The following RIPOR2 variants were observed in gnomAD, a reference collection of about 807,000 sequenced individuals.
RIPOR2 encodes the protein rho family-interacting cell polarization regulator 2.
A neutral mutation model predicts 114.5 loss-of-function variants in RIPOR2; 39 were observed. That is an observed-to-expected ratio of 0.34 (90% CI 0.26 to 0.44). The LOEUF (loss-of-function observed/expected upper bound fraction) is 0.44. Ranked by LOEUF, RIPOR2 falls within the 20% of genes least tolerant of loss-of-function variation. RIPOR2 has a pLI of 1.00. For synonymous variants in RIPOR2, 445 were observed against 484.4 expected (o/e 0.92, Z 1.07); for missense variants, 1,007 against 1,255.1 (o/e 0.80, Z 2.99).
intron 8 of RIPOR2, 81 bp from the exon 9 acceptor site, chr6:24,852,699 T>C: frequency 2.8e-6 from 3 of 1,063,636 alleles, no homozygotes; most frequent in Non-Finnish European, 4.0e-6. Context: ...TAAAAAGAAT[T>C]CAAGTGAAGT....
intron 13 of RIPOR2, chr6:24,839,637 CAA>C: frequency 6.5e-7 from 1 of 1,533,190 alleles, no homozygotes; most frequent in South Asian, 1.2e-5. Flanking sequence ...TGAAAAAAAA[CAA>C]AAAAAACAAA....
intron 1 of RIPOR2, among the ~76,000 whole-genome samples, chr6:25,035,962 A>T (rs182235789): frequency 2.8e-4 from 42 of 152,316 alleles, no homozygotes; most frequent in East Asian, 1.3e-3. Context: ...GCAGTGAGGA[A>T]TAGCCAGCTG....
At chr6:24,938,186 A>G (rs1349213103), upstream of RIPOR2, among the ~76,000 whole-genome samples, 1 of 152,214 alleles carries the variant, frequency 6.6e-6, no homozygotes, top group African/African-American at 2.4e-5. Context: ...ATCCAATATG[A>G]CTAACTTCCT....
Position 25,015,888 on chromosome 6 carries a change from GT to G in RIPOR2, c.76+25962del, listed in dbSNP as rs1258122631. 3.5e-4 allele frequency: 26 copies of G among 74,044 alleles called. 3 individuals are homozygous for G. The highest frequency in any genetic ancestry group is 5.6e-5 in the African/African-American group (1 of 17,982). 4.6% of individuals were successfully genotyped at this position (74,044 alleles called of 1,614,324 possible). ...GGAAAGCCTCCCCTTAAAAACGCAG[GT>G]TTTTTGGTTTTTTTTTTTTTTTTTT... is the stretch of plus-strand genomic sequence containing the variant. On this transcript the variant is annotated intron_variant, in intron 1 of 13. Coordinates refer to the RIPOR2 transcript ENST00000510784.
chr6:24,910,263 C>T (rs1239629748), intron 1 of RIPOR2, among the ~76,000 whole-genome samples: 1 of 152,154 alleles, frequency 6.6e-6, no homozygotes, highest in Admixed American at 6.5e-5. Flanking sequence ...CCTCCCATTC[C>T]ACCTGGCCAA....
chr6:24,944,241 A>T lies in RIPOR2; in HGVS notation c.77-68424T>A, dbSNP rs543804241. Among the ~76,000 whole-genome samples, 62 of 152,354 alleles carry T rather than the reference A, an allele frequency of 4.1e-4. 2 individuals carry two copies. In the South Asian group the frequency reaches 0.013, roughly 31 times the overall value. ...AGAAGCAGAAAGTAAAGGCTAAGGC[A>T]GAGTTGTAAAGTGCTTAACTGAGCA... On this transcript the variant is annotated intron_variant, in intron 1 of 13. Transcript: ENST00000510784.
chr6:24,854,425 G>A lies in RIPOR2; in HGVS notation c.716-1807C>T, dbSNP rs147470858. On this transcript the variant is annotated intron_variant, in intron 8 of 21. Coordinates refer to ENST00000643898, the MANE Select transcript of RIPOR2 (RefSeq NM_001286445.3). ...CGACAATGTTTCTTGGATGTCTACT[G>A]TGTCAAGCATGAATAAACGTGTGGG... Among the ~76,000 whole-genome samples the A allele has an allele frequency of 6.7e-3, 1,019 of 152,322 alleles. 5 individuals carry two copies. The highest frequency in any genetic ancestry group is 0.012 in the Non-Finnish European group (785 of 68,028).
At chr6:24,917,552 C>T (rs1424160355) in intron 1 of RIPOR2, among the ~76,000 whole-genome samples, 1 of 151,808 alleles carries the variant, frequency 6.6e-6, no homozygotes, top group Non-Finnish European at 1.5e-5. Flanking sequence ...TTTCTTGAGA[C>T]GGAGTCTTGC....
At chr6:24,983,638 T>A (rs1237361001) in intron 1 of RIPOR2, among the ~76,000 whole-genome samples, 1 of 150,558 alleles carries the variant, frequency 6.6e-6, no homozygotes, top group Non-Finnish European at 1.5e-5. Flanking sequence ...GTGCCTGTAG[T>A]CCCAGCTACT....
chr6:25,024,171 TC>T (rs1776481569), intron 1 of RIPOR2: 1 of 1,303,826 alleles, frequency 7.7e-7, no homozygotes, highest in Non-Finnish European at 1.1e-6. Flanking sequence ...CTGGGCGATT[TC>T]CACTTGTTTG....
intron 9 of RIPOR2, among the ~76,000 whole-genome samples, chr6:24,851,532 G>T (rs1762913986): frequency 6.6e-6 from 1 of 152,204 alleles, no homozygotes; most frequent in African/African-American, 2.4e-5. Flanking sequence ...TTTAAGGGAA[G>T]ATACACCCTC....
rs1165620489 is a variant in RIPOR2, at chr6:24,806,338, G to T, written c.*35C>A. 1.5e-6 allele frequency: 2 copies of T among 1,378,872 alleles called. No homozygotes were observed. Among genetic ancestry groups the T allele is most frequent in the South Asian group, 1.2e-5 (1 of 80,638 alleles). 85.4% of individuals were successfully genotyped at this position (1,378,872 alleles called of 1,614,324 possible). On this transcript the variant is annotated 3_prime_UTR_variant, in exon 22 of 22. Transcript: ENST00000643898. ...AGCACCATCCTGATGAAAAGGGCCAGATATTAAGACAGCTGTTAGGCAGTT... is the reference window on the plus strand; with the variant it reads ...AGCACCATCCTGATGAAAAGGGCCATATATTAAGACAGCTGTTAGGCAGTT...
chr6:24,919,829 C>T (rs1770343260), intron 1 of RIPOR2, among the ~76,000 whole-genome samples: 1 of 152,190 alleles, frequency 6.6e-6, no homozygotes, highest in Non-Finnish European at 1.5e-5. Flanking sequence ...TCCTAATTCA[C>T]ACACGTTTGA....
At position 24,873,828 on chromosome 6, in the gene RIPOR2, G is replaced by C. The variant is rs549034534; in HGVS notation, c.189-29C>G. On this transcript the variant is annotated intron_variant, in intron 2 of 21. Coordinates refer to ENST00000643898, the MANE Select transcript of RIPOR2 (RefSeq NM_001286445.3). ...TGGAAAGAACAGAAGAAATTGTGAG[G>C]ATTGGGCATCCAAAAGGATTTGACC... 3.8e-6 allele frequency: 6 copies of C among 1,570,814 alleles called. No homozygotes were observed. The African/African-American group carries it at 8.3e-5, about 22-fold the overall frequency.
chr6:24,830,246 G>A (rs897186774), intron 17 of RIPOR2, among the ~76,000 whole-genome samples: 1 of 152,176 alleles, frequency 6.6e-6, no homozygotes, highest in Non-Finnish European at 1.5e-5. Flanking sequence ...GATAACTGAC[G>A]TGAGCCACTG....
At chr6:24,873,491 T>A (rs1055317814) in intron 3 of RIPOR2, among the ~76,000 whole-genome samples, 153 bp downstream of exon 3, 1 of 152,234 alleles carries the variant, frequency 6.6e-6, no homozygotes. Flanking sequence ...ATATTTCCCA[T>A]CTCTGGGACT....
chr6:24,950,553 G>A (rs527604385), intron 1 of RIPOR2, among the ~76,000 whole-genome samples: 1 of 152,318 alleles, frequency 6.6e-6, no homozygotes, highest in South Asian at 2.1e-4. Flanking sequence ...GGAGCTCAGT[G>A]TGTCTGTCCT....
chr6:24,843,718 T>C (rs1251389700), intron 12 of RIPOR2, among the ~76,000 whole-genome samples, 164 bp from the exon 13 acceptor site: 1 of 150,306 alleles, frequency 6.7e-6, no homozygotes, highest in African/African-American at 2.5e-5. Flanking sequence ...TGTGTGTGTG[T>C]GTGTGTGTGT....
rs1233363123 is a variant in RIPOR2, at chr6:25,035,640, C to T, written c.76+6211G>A. ...TACAAAATCCCAGAGTGGAGGAGGC[C>T]GGGGGAGAAACATGAGTGTGGTCAA... On this transcript the variant is annotated intron_variant, in intron 1 of 13. Coordinates refer to the RIPOR2 transcript ENST00000510784. Among the ~76,000 whole-genome samples the T allele has an allele frequency of 2.0e-5, 3 of 152,164 alleles. No individual in the cohort carries two copies. In the South Asian group the frequency reaches 6.2e-4, roughly 32 times the overall value.
Sources: gnomAD v4.1 joint callset for allele counts (sites outside exome capture counted in the v4.1 genomes callset) on GRCh38, gnomAD v4.1.1 for gene constraint, MANE v1.5 for transcripts, NCBI Gene and HGNC (gene_info 2026-07-23, HGNC 2026-07-21) for gene names.